Variants in MAGI2 observed in about 807,000 individuals in gnomAD.
MAGI2 encodes membrane-associated guanylate kinase, WW and PDZ domain-containing protein 2.
A neutral mutation model predicts 133.3 loss-of-function variants in MAGI2; 35 were observed. The ratio of observed to expected loss-of-function variants is 0.26; its 90% CI spans 0.20 to 0.35. The LOEUF (loss-of-function observed/expected upper bound fraction) is 0.35, where lower values mean the gene tolerates loss of function less well. Ranked by LOEUF, MAGI2 falls within the 10% of genes least tolerant of loss-of-function variation. The pLI is 1.00. For synonymous variants in MAGI2, 729 were observed against 710.6 expected, an observed-to-expected ratio of 1.03 and a Z score of -0.41; for missense variants, 1,636 against 1,863.4, an observed-to-expected ratio of 0.88 and a Z score of 2.25.
At chr7:79,251,602 G>T (rs1201702803) in intron 1 of MAGI2, among the ~76,000 whole-genome samples, 1 of 152,160 alleles carries the variant, frequency 6.6e-6, no homozygotes, top group African/African-American at 2.4e-5. Flanking sequence ...TGGTGAGGAT[G>T]TGAAGAAAAG....
chr7:78,580,106 TTATGTA>T (rs752442763), intron 3 of MAGI2, among the ~76,000 whole-genome samples: 1 of 147,808 alleles, frequency 6.8e-6, no homozygotes, highest in Non-Finnish European at 1.5e-5. Context: ...TGTAATGTGT[TTATGTA>T]TATGTGAATA....
At chr7:78,534,125 T>C (rs1272626488) in intron 3 of MAGI2, among the ~76,000 whole-genome samples, 1 of 152,214 alleles carries the variant, frequency 6.6e-6, no homozygotes, top group African/African-American at 2.4e-5. Context: ...CTTTGAAACT[T>C]ACCTTCTCCT....
chr7:78,887,900 C>T (rs889890086), intron 2 of MAGI2, among the ~76,000 whole-genome samples: 3 of 152,282 alleles, frequency 2.0e-5, no homozygotes, highest in Non-Finnish European at 4.4e-5. Flanking sequence ...GTGGGTGCAG[C>T]GCACCGAGCA....
At chr7:79,412,812 A>C (rs890938678) in intron 1 of MAGI2, 1 of 152,058 alleles carries the variant, frequency 6.6e-6, no homozygotes, top group African/African-American at 2.4e-5. Context: ...AAATGCTATG[A>C]TTTTCTGAGC....
At chr7:78,326,254 T>C (rs1297874651) in intron 9 of MAGI2, among the ~76,000 whole-genome samples, 1 of 152,236 alleles carries the variant, frequency 6.6e-6, no homozygotes, top group African/African-American at 2.4e-5. Context: ...CAATATTCTC[T>C]GAACCTGGAT....
intron 3 of MAGI2, among the ~76,000 whole-genome samples, chr7:78,592,145 A>G (rs1051239934): frequency 6.6e-6 from 1 of 152,228 alleles, no homozygotes; most frequent in Non-Finnish European, 1.5e-5. Flanking sequence ...AAAGTTGCAA[A>G]GAAATCTTTT....
chr7:78,180,924 ATTTTTTTTT>A (rs371615787), intron 13 of MAGI2, among the ~76,000 whole-genome samples: 2 of 108,022 alleles, frequency 1.9e-5, no homozygotes. Context: ...AGGCAGCAGT[ATTTTTTTTT>A]TTTTTTTTTT....
intron 1 of MAGI2, among the ~76,000 whole-genome samples, chr7:79,343,801 G>C (rs1168531893): frequency 6.6e-6 from 1 of 152,040 alleles, no homozygotes; most frequent in African/African-American, 2.4e-5. Flanking sequence ...CTAAAGTATG[G>C]ATTATAAAAC....
At chr7:79,221,749 C>T (rs1212221700) in intron 1 of MAGI2, among the ~76,000 whole-genome samples, 6 of 151,744 alleles carry the variant, frequency 4.0e-5, no homozygotes, top group African/African-American at 1.5e-4. Flanking sequence ...GTTATGAAAA[C>T]TTAATTTTAT....
At chr7:78,043,548 A>G (rs893786500) in intron 21 of MAGI2, among the ~76,000 whole-genome samples, 12 of 152,216 alleles carry the variant, frequency 7.9e-5, no homozygotes, top group African/African-American at 2.4e-4. Flanking sequence ...AATAACTGAC[A>G]AAGCTGGATT....
At chr7:79,318,231 G>T (rs1261402675) in intron 1 of MAGI2, among the ~76,000 whole-genome samples, 1 of 152,042 alleles carries the variant, frequency 6.6e-6, no homozygotes, top group East Asian at 1.9e-4. Context: ...TGGATACATA[G>T]TTAAAACATC....
At chr7:78,573,302 T>C (rs772726451) in intron 3 of MAGI2, among the ~76,000 whole-genome samples, 1 of 34,870 alleles carries the variant, frequency 2.9e-5, no homozygotes, top group Non-Finnish European at 4.6e-5. Flanking sequence ...ATATATATAT[T>C]TATATATATA....
At position 79,175,188 on chromosome 7, in the gene MAGI2, A is replaced by G. The variant is rs117519943; in HGVS notation, c.302-167982T>C. ...TATAAATGAGAAAATCTGAATCAAA[A>G]TTTTATATATGTCCAAAAGAAAAAT... is the stretch of plus-strand genomic sequence containing the variant. On this transcript the variant is annotated intron_variant, in intron 1 of 21. Coordinates refer to ENST00000354212, the MANE Select transcript of MAGI2 (RefSeq NM_012301.4). 4.5e-3 allele frequency among the ~76,000 whole-genome samples: 678 copies of G among 152,088 alleles called. 2 individuals carry two copies. Among genetic ancestry groups the G allele is most frequent in the Non-Finnish European group, 7.9e-3 (537 of 68,010 alleles).
intron 9 of MAGI2, among the ~76,000 whole-genome samples, chr7:78,319,965 T>C (rs1255009903): frequency 2.0e-5 from 3 of 152,060 alleles, no homozygotes; most frequent in African/African-American, 7.2e-5. Flanking sequence ...CCCACAGAAA[T>C]ACAAACTGCC....
intron 3 of MAGI2, chr7:78,615,630 A>C (rs1007064392): frequency 1.3e-5 from 2 of 152,246 alleles, no homozygotes; most frequent in African/African-American, 4.8e-5. Context: ...TCTCTCGCCA[A>C]ATACATGCCC....
chr7:79,151,537 A>G (rs763171870), intron 1 of MAGI2, among the ~76,000 whole-genome samples: 29 of 152,152 alleles, frequency 1.9e-4, no homozygotes, highest in Non-Finnish European at 4.0e-4. Context: ...AACTACTATC[A>G]TTAAAATTAG....
chr7:78,305,451 G>A (rs1798176106), intron 9 of MAGI2, among the ~76,000 whole-genome samples: 2 of 152,108 alleles, frequency 1.3e-5, no homozygotes, highest in Non-Finnish European at 1.5e-5. Flanking sequence ...TATGTGCCAG[G>A]TGCTCAGTAA....
At chr7:78,666,306 A>T (rs1813576359) in intron 2 of MAGI2, among the ~76,000 whole-genome samples, 1 of 152,152 alleles carries the variant, frequency 6.6e-6, no homozygotes, top group South Asian at 2.1e-4. Context: ...ACAGAAACAA[A>T]TATCTTAATG....
intron 10 of MAGI2, among the ~76,000 whole-genome samples, chr7:78,248,163 G>A (rs948183279): frequency 2.6e-5 from 4 of 152,170 alleles, no homozygotes; most frequent in Admixed American, 2.6e-4. Flanking sequence ...TAAGAAAGAA[G>A]GGGATGATAT....
Sources: allele counts gnomAD v4.1 joint callset (sites outside exome capture counted in the v4.1 genomes callset), GRCh38; gene constraint gnomAD v4.1.1; transcripts MANE v1.5; gene names NCBI Gene and HGNC (gene_info 2026-07-23, HGNC 2026-07-21).